Variants in FBXW7 observed in about 807,000 individuals in gnomAD.
The protein encoded by FBXW7 is F-box and WD repeat domain containing 7, also known as F-box/WD repeat-containing protein 7.
Under a neutral mutation model 86.3 loss-of-function variants are expected in FBXW7, and 11 were observed. That is an observed-to-expected ratio of 0.13 (90% CI 0.08 to 0.21). The LOEUF is 0.21. Ranked by LOEUF, FBXW7 falls within the 10% of genes least tolerant of loss-of-function variation. The pLI, the probability that FBXW7 is intolerant of heterozygous loss-of-function variation, is 1.00. For missense variants in FBXW7, 488 were observed against 847.4 expected, an observed-to-expected ratio of 0.58 and a Z score of 5.27; for synonymous variants, 313 against 297.9, an observed-to-expected ratio of 1.05 and a Z score of -0.52.
chr4:152,452,023 T>C (rs1741954795), intron 2 of FBXW7, among the ~76,000 whole-genome samples: 1 of 152,122 alleles, frequency 6.6e-6, no homozygotes, highest in Admixed American at 6.5e-5. Context: ...GTCTCTTGAG[T>C]ATACACAAAG....
chr4:152,513,230 A>C lies in FBXW7; in HGVS notation c.-120+21711T>G, dbSNP rs1403447104. 2.0e-5 allele frequency among the ~76,000 whole-genome samples: 3 copies of C among 152,266 alleles called. No individual in the cohort carries two copies. In the South Asian group the frequency reaches 6.2e-4, roughly 32 times the overall value. ...CCGGCCTGAATTGAGTATTTAATAG[A>C]GTGAATTTTCTGGTATGCAAATTAT... On this transcript the variant is annotated intron_variant, in intron 2 of 13. Coordinates refer to ENST00000281708, the MANE Select transcript of FBXW7 (RefSeq NM_001349798.2).
intron 2 of FBXW7, among the ~76,000 whole-genome samples, chr4:152,443,481 G>C (rs1044000390): frequency 6.6e-6 from 1 of 152,012 alleles, no homozygotes; most frequent in Non-Finnish European, 1.5e-5. Context: ...GAGTTTTATC[G>C]ATCAGTTAAA....
chr4:152,390,432 A>C (rs1422060159), intron 4 of FBXW7, among the ~76,000 whole-genome samples: 1 of 152,108 alleles, frequency 6.6e-6, no homozygotes, highest in Non-Finnish European at 1.5e-5. Flanking sequence ...CCAGCTGTTA[A>C]AATGGCCTTA....
chr4:152,330,769 T>A lies in FBXW7; in HGVS notation c.1085A>T (p.Asp362Val), dbSNP rs1729493984. 1 of 1,612,500 alleles carries A rather than the reference T, an allele frequency of 6.2e-7. No homozygotes were observed. The highest frequency in any genetic ancestry group is 1.7e-5 in the Admixed American group (1 of 59,938). The change falls in exon 9 of 14, where the codon GAT becomes GTT. Residue 362 changes from aspartate (D) to valine (V), a missense_variant. This residue lies in a region of FBXW7 where 57 missense variants were observed against 62.8 expected (regional missense o/e 0.91). Coordinates refer to ENST00000281708, the MANE Select transcript of FBXW7 (RefSeq NM_001349798.2). ...GAGTTCTCCTCGCCTCCAGTTAGTATCAATTCTGTGCTGTCTGATGTATGC... is the reference window on the plus strand; with the variant it reads ...GAGTTCTCCTCGCCTCCAGTTAGTAACAATTCTGTGCTGTCTGATGTATGC... ...KSAYIRQHRI[D>V]TNWRRGELKS...
intron 5 of FBXW7, among the ~76,000 whole-genome samples, chr4:152,348,110 ACT>A (rs1181290979): frequency 6.6e-6 from 1 of 152,028 alleles, no homozygotes; most frequent in Non-Finnish European, 1.5e-5. Context: ...TAACAATCAA[ACT>A]CTGATAAATT....
chr4:152,509,613 A>G (rs1747777170), intron 2 of FBXW7, among the ~76,000 whole-genome samples: 1 of 152,362 alleles, frequency 6.6e-6, no homozygotes, highest in Non-Finnish European at 1.5e-5. Context: ...AGATAAGTCG[A>G]TAACAATCAT....
At chr4:152,346,829 A>G in intron 6 of FBXW7, 101 bp downstream of exon 6, 1 of 1,470,816 alleles carries the variant, frequency 6.8e-7, no homozygotes, top group Non-Finnish European at 9.2e-7. Context: ...CATCCACAGT[A>G]TACTATGTAA....
chr4:152,492,934 G>C (rs1204908034), intron 2 of FBXW7, among the ~76,000 whole-genome samples: 1 of 151,938 alleles, frequency 6.6e-6, no homozygotes, highest in African/African-American at 2.4e-5. Flanking sequence ...GGCAAATTAA[G>C]TGCTGGAACA....
At chr4:152,373,231 T>C (rs1734166652) in intron 4 of FBXW7, among the ~76,000 whole-genome samples, 1 of 152,164 alleles carries the variant, frequency 6.6e-6, no homozygotes, top group Non-Finnish European at 1.5e-5. Flanking sequence ...GTAAAACAGG[T>C]AAAATACAAT....
chr4:152,489,430 G>C (rs892965120), intron 2 of FBXW7: 4 of 152,586 alleles, frequency 2.6e-5, no homozygotes, highest in African/African-American at 9.7e-5. Context: ...TAAATGGTAG[G>C]CTTCCAAGCC....
At chr4:152,338,081 C>CA (rs987636765) in intron 6 of FBXW7, 145 bp from the exon 7 acceptor site, 18 of 542,306 alleles carry the variant, frequency 3.3e-5, no homozygotes, top group Non-Finnish European at 4.3e-5. Flanking sequence ...ACATTTTTTC[C>CA]ACAAGGCATT....
rs1271379407 is a variant in FBXW7, at chr4:152,477,559, C to A, written c.-120+57382G>T. The stretch of plus-strand genomic sequence containing the variant: ...GAAAAAATAGTAAACCCCAAAAAAA[C>A]CCATAAATACTCAACCACTGCATAT... On this transcript the variant is annotated intron_variant, in intron 2 of 13. Coordinates refer to ENST00000281708, the MANE Select transcript of FBXW7 (RefSeq NM_001349798.2). 2.6e-5 allele frequency among the ~76,000 whole-genome samples: 4 copies of A among 152,048 alleles called. No homozygotes were observed. The East Asian group carries it at 5.8e-4, about 22-fold the overall frequency.
chr4:152,327,491 A>G (rs1337463506), intron 11 of FBXW7, among the ~76,000 whole-genome samples: 1 of 152,022 alleles, frequency 6.6e-6, no homozygotes, highest in African/African-American at 2.4e-5. Flanking sequence ...GAAAGATAGG[A>G]TTTTAATAGG....
At chr4:152,352,547 C>T (rs963091644) in intron 4 of FBXW7, 7 of 1,613,882 alleles carry the variant, frequency 4.3e-6, no homozygotes, top group Non-Finnish European at 5.9e-6. Flanking sequence ...TCTGTGCCCC[C>T]GTGTGTCCGG....
At chr4:152,344,611 T>C (rs949134963) in intron 6 of FBXW7, among the ~76,000 whole-genome samples, 2 of 151,546 alleles carry the variant, frequency 1.3e-5, no homozygotes, top group African/African-American at 4.9e-5. Flanking sequence ...TTTGATGAAA[T>C]ACAGCATGCG....
intron 4 of FBXW7, chr4:152,382,135 C>A: frequency 1.5e-6 from 2 of 1,333,834 alleles, no homozygotes; most frequent in Non-Finnish European, 2.0e-6. Flanking sequence ...CTAAAAGAGG[C>A]CAAGGTACTT....
intron 6 of FBXW7, among the ~76,000 whole-genome samples, chr4:152,341,357 G>T (rs1452961201): frequency 6.6e-6 from 1 of 152,102 alleles, no homozygotes; most frequent in African/African-American, 2.4e-5. Context: ...CTGTTCCTTG[G>T]AATATTGTTT....
At chr4:152,351,045 C>T (rs1362912956) in intron 4 of FBXW7, among the ~76,000 whole-genome samples, 1 of 151,880 alleles carries the variant, frequency 6.6e-6, no homozygotes, top group Non-Finnish European at 1.5e-5. Flanking sequence ...TCAACAACCC[C>T]TTTTTAAGAT....
chr4:152,404,114 T>C lies in FBXW7; in HGVS notation c.501+7189A>G, dbSNP rs568991979. ...AAAGAGTTCTGTGCTCTTTCCACTA[T>C]GAAATGGGGGGTTGGGAATAGGGGA... On this transcript the variant is annotated intron_variant, in intron 4 of 13. Transcript: ENST00000281708. Among the ~76,000 whole-genome samples the C allele has an allele frequency of 1.7e-4, 26 of 152,264 alleles. No individual in the cohort carries two copies. In the South Asian group the frequency reaches 5.0e-3, roughly 29 times the overall value.
Sources: gnomAD v4.1 joint callset for allele counts (sites outside exome capture counted in the v4.1 genomes callset) on GRCh38, gnomAD v4.1.1 for gene constraint, gnomAD v4.1.1 regional missense constraint, MANE v1.5 for transcripts, NCBI Gene and HGNC (gene_info 2026-07-23, HGNC 2026-07-21) for gene names.